KLF8: variants seen among roughly 807,000 people sequenced by gnomAD.
The protein encoded by KLF8 is KLF transcription factor 8.
Under a neutral mutation model 18.2 loss-of-function variants are expected in KLF8, and 10 were observed. The ratio of observed to expected loss-of-function variants is 0.55; its 90% CI spans 0.34 to 0.93. KLF8 has a LOEUF of 0.93. Ranked by LOEUF, KLF8 falls within the 40% of genes least tolerant of loss-of-function variation. The probability of loss-of-function intolerance (pLI) is 0.02; values close to 1 mark genes in which losing one functional copy is unlikely to be tolerated. For synonymous variants in KLF8, 109 were observed against 97.3 expected (o/e 1.12, Z -0.71); for missense variants, 264 against 277.9 (o/e 0.95, Z 0.36).
chrX:56,089,134 A>T, the KLF8 span, among the ~76,000 whole-genome samples: 1 of 111,208 alleles, frequency 9.0e-6, no homozygotes, highest in Non-Finnish European at 1.9e-5. Flanking sequence ...TGAAGTTAAT[A>T]TTTGCTCTAA....
chrX:56,015,277 C>T, the KLF8 span: 1 of 111,965 alleles, frequency 8.9e-6, no homozygotes, highest in East Asian at 2.8e-4. Context: ...TCACAAAATA[C>T]ATACATCTTT....
chrX:56,046,422 T>G, the KLF8 span, among the ~76,000 whole-genome samples: 27 of 111,571 alleles, frequency 2.4e-4, no homozygotes, highest in South Asian at 3.7e-4. Context: ...AGTATTGAGA[T>G]GTCAGGTACT....
the KLF8 span, among the ~76,000 whole-genome samples, chrX:56,005,887 T>C: frequency 8.9e-6 from 1 of 111,941 alleles, no homozygotes; most frequent in African/African-American, 3.3e-5. Flanking sequence ...TGGTCAGTTA[T>C]GGTCTGCCAG....
At chrX:55,925,534 T>C in the KLF8 span, among the ~76,000 whole-genome samples, 1 of 111,675 alleles carries the variant, frequency 9.0e-6, no homozygotes, top group Middle Eastern at 4.6e-3. Flanking sequence ...TGAATATGGC[T>C]TGATCTGTGC....
the KLF8 span, among the ~76,000 whole-genome samples, chrX:56,030,483 G>C: frequency 9.0e-6 from 1 of 111,491 alleles, no homozygotes; most frequent in African/African-American, 3.3e-5. Flanking sequence ...AGGCTTTTCA[G>C]TGTAAGATGG....
At position 56,269,456 on chromosome X, in the gene KLF8, C is replaced by T; in HGVS notation, c.725C>T (p.Ser242Leu). The T allele has an allele frequency of 8.3e-7, 1 of 1,207,057 alleles. No homozygotes were observed. The highest frequency in any genetic ancestry group is 1.1e-6 in the Non-Finnish European group (1 of 893,337). ...SEESTIESGS[S>L]ALQSLQGLQQ... ...GAGAGTACAATTGAGAGTGGATCCTCAGCCTTGCAGAGTCTGCAGGGACTA... is the reference window on the plus strand; with the variant it reads ...GAGAGTACAATTGAGAGTGGATCCTTAGCCTTGCAGAGTCTGCAGGGACTA... Residue 242 changes from serine (S) to leucine (L), a missense_variant, in exon 4 of 6, where the codon TCA (serine) becomes TTA (leucine). By Grantham distance (145) the Ser-to-Leu change is moderately radical. This residue lies in a region of KLF8 where 221 missense variants were observed against 193.6 expected (regional missense o/e 1.14). Transcript: ENST00000468660.
the KLF8 span, among the ~76,000 whole-genome samples, chrX:56,080,181 T>A: frequency 9.0e-6 from 1 of 110,925 alleles, no homozygotes; most frequent in Non-Finnish European, 1.9e-5. Context: ...GTGAATTTGA[T>A]CCTGTCATTA....
At chrX:56,127,676 A>C in the KLF8 span, among the ~76,000 whole-genome samples, 1 of 111,113 alleles carries the variant, frequency 9.0e-6, no homozygotes, top group East Asian at 2.8e-4. Flanking sequence ...CAAAACAAAA[A>C]CAAAAACTAC....
chrX:55,999,485 A>G, the KLF8 span, among the ~76,000 whole-genome samples: 1 of 107,735 alleles, frequency 9.3e-6, no homozygotes, highest in Non-Finnish European at 1.9e-5. Flanking sequence ...TTGTATTTCC[A>G]TTTGTTTGTG....
At chrX:56,181,485 T>C in the KLF8 span, among the ~76,000 whole-genome samples, 1 of 111,886 alleles carries the variant, frequency 8.9e-6, no homozygotes, top group Non-Finnish European at 1.9e-5. Context: ...TATTGTTATA[T>C]GTGAATTTGA....
the KLF8 span, among the ~76,000 whole-genome samples, chrX:56,041,812 C>G: frequency 9.0e-6 from 1 of 111,390 alleles, no homozygotes; most frequent in Non-Finnish European, 1.9e-5. Context: ...GCCTCAGCCT[C>G]CCGAATAGCT....
At chrX:55,986,836 C>T in the KLF8 span, among the ~76,000 whole-genome samples, 2 of 111,578 alleles carry the variant, frequency 1.8e-5, no homozygotes, top group East Asian at 5.6e-4. Flanking sequence ...CTTTCTGATC[C>T]TCATCTTCTC....
chrX:56,193,207 G>A, the KLF8 span, among the ~76,000 whole-genome samples: 9 of 112,458 alleles, frequency 8.0e-5, no homozygotes, highest in Non-Finnish European at 1.7e-4. Flanking sequence ...TGGCAAACAA[G>A]CTTATGAAAA....
At chrX:56,133,314 G>A in the KLF8 span, among the ~76,000 whole-genome samples, 34 of 111,931 alleles carry the variant, frequency 3.0e-4, no homozygotes, top group African/African-American at 5.5e-4. Flanking sequence ...GAGATAATCC[G>A]TCATGATTAA....
At chrX:56,034,946 G>A in the KLF8 span, among the ~76,000 whole-genome samples, 1 of 107,260 alleles carries the variant, frequency 9.3e-6, no homozygotes. Flanking sequence ...TAGTAGAGAC[G>A]GGGTTTCACC....
chrX:55,998,754 T>C, the KLF8 span, among the ~76,000 whole-genome samples: 1 of 111,199 alleles, frequency 9.0e-6, no homozygotes, highest in African/African-American at 3.3e-5. Flanking sequence ...CTTTGTTGAA[T>C]GTATATTTTG....
At chrX:56,119,363 A>T in the KLF8 span, among the ~76,000 whole-genome samples, 1 of 111,099 alleles carries the variant, frequency 9.0e-6, no homozygotes, top group Non-Finnish European at 1.9e-5. Context: ...AGGCCAGCTG[A>T]AGCAAGCTGG....
chrX:56,119,694 C>G, the KLF8 span, among the ~76,000 whole-genome samples: 3 of 109,629 alleles, frequency 2.7e-5, no homozygotes, highest in Admixed American at 3.0e-4. Flanking sequence ...GCCACCGCGC[C>G]TGGCCTATTT....
At chrX:56,163,983 C>T in the KLF8 span, among the ~76,000 whole-genome samples, 2 of 112,047 alleles carry the variant, frequency 1.8e-5, no homozygotes, top group Non-Finnish European at 1.9e-5. Context: ...CAGTACCATC[C>T]TGTTTTGGTT....
Sources: gnomAD v4.1 joint callset for allele counts (sites outside exome capture counted in the v4.1 genomes callset) on GRCh38, gnomAD v4.1.1 for gene constraint, gnomAD v4.1.1 regional missense constraint, MANE v1.5 for transcripts, NCBI Gene and HGNC (gene_info 2026-07-23, HGNC 2026-07-21) for gene names.